Variants in SPAG16 observed in about 807,000 individuals in gnomAD.
SPAG16 encodes the protein sperm-associated antigen 16 protein.
Under a neutral mutation model 80.4 loss-of-function variants are expected in SPAG16, and 86 were observed. That is an observed-to-expected ratio of 1.07 (90% confidence interval 0.90 to 1.28). SPAG16 has a LOEUF of 1.28. Among genes scored for constraint, SPAG16 ranks in the 50% most tolerant of loss-of-function variants. SPAG16 has a pLI of 0.00. For synonymous variants in SPAG16, 294 were observed against 265.9 expected (o/e 1.11, Z -1.03); for missense variants, 870 against 765.3 (o/e 1.14, Z -1.61).
intron 15 of SPAG16, among the ~76,000 whole-genome samples, chr2:214,242,994 T>C (rs889117289): frequency 4.6e-5 from 7 of 152,072 alleles, no homozygotes; most frequent in Non-Finnish European, 1.0e-4. Flanking sequence ...AATCAATAAT[T>C]GGAAAGATAA....
Position 214,222,859 on chromosome 2 carries a change from G to A in SPAG16, c.1720+73593G>A, listed in dbSNP as rs76628489. Among the ~76,000 whole-genome samples the A allele has an allele frequency of 5.0e-3, 757 of 152,216 alleles. 8 individuals are homozygous for A. Among genetic ancestry groups the A allele is most frequent in the African/African-American group, 0.017 (701 of 41,552 alleles). On this transcript the variant is annotated intron_variant, in intron 15 of 15. Coordinates refer to ENST00000331683, the MANE Select transcript of SPAG16 (RefSeq NM_024532.5). ...ACCAAATAAATAGTAATCTTTGAAGGTGTGGCCTTGGGTTATATTTTTTAA... is the reference window on the plus strand; with the variant it reads ...ACCAAATAAATAGTAATCTTTGAAGATGTGGCCTTGGGTTATATTTTTTAA...
intron 13 of SPAG16, among the ~76,000 whole-genome samples, chr2:214,044,224 G>T (rs2049187417): frequency 6.6e-6 from 1 of 151,964 alleles, no homozygotes; most frequent in African/African-American, 2.4e-5. Context: ...ATTTATAAAG[G>T]ACTAAGAACT....
intron 9 of SPAG16, among the ~76,000 whole-genome samples, chr2:213,375,664 G>A (rs2066850575): frequency 6.6e-6 from 1 of 152,008 alleles, no homozygotes; most frequent in African/African-American, 2.4e-5. Flanking sequence ...CATAAAACCT[G>A]TGAAGAGTTT....
chr2:213,546,524 C>A (rs998590950), intron 10 of SPAG16, among the ~76,000 whole-genome samples: 1 of 152,048 alleles, frequency 6.6e-6, no homozygotes, highest in South Asian at 2.1e-4. Flanking sequence ...TTTAACTCAA[C>A]AAATATTTTA....
At chr2:213,739,991 T>A (rs2067472215) in intron 10 of SPAG16, among the ~76,000 whole-genome samples, 1 of 152,200 alleles carries the variant, frequency 6.6e-6, no homozygotes, top group Non-Finnish European at 1.5e-5. Context: ...AGCACTTAGT[T>A]TTTAGGGCAA....
chr2:213,617,469 C>T (rs561031257), intron 10 of SPAG16, among the ~76,000 whole-genome samples: 94 of 152,184 alleles, frequency 6.2e-4, no homozygotes, highest in African/African-American at 2.3e-3. Flanking sequence ...AGCCTCCCGA[C>T]TGGCTGGGAT....
chr2:213,639,876 A>T (rs1046816002), intron 10 of SPAG16, among the ~76,000 whole-genome samples: 1 of 152,194 alleles, frequency 6.6e-6, no homozygotes, highest in Non-Finnish European at 1.5e-5. Context: ...AGGAACATCA[A>T]TTATTCTTAA....
At chr2:214,032,677 G>GTAAA (rs2048474797) in intron 13 of SPAG16, among the ~76,000 whole-genome samples, 1 of 152,116 alleles carries the variant, frequency 6.6e-6, no homozygotes, top group Non-Finnish European at 1.5e-5. Flanking sequence ...TAAGGCCTTG[G>GTAAA]TAAAGATCAG....
chr2:213,429,908 T>C (rs922787763), intron 9 of SPAG16, among the ~76,000 whole-genome samples: 9 of 152,056 alleles, frequency 5.9e-5, no homozygotes, highest in Non-Finnish European at 1.2e-4. Context: ...TAAATTAGTG[T>C]AATAACATAG....
At chr2:213,990,090 G>C (rs1408135582) in intron 12 of SPAG16, among the ~76,000 whole-genome samples, 2 of 152,012 alleles carry the variant, frequency 1.3e-5, no homozygotes, top group East Asian at 3.9e-4. Flanking sequence ...AATCTAAACT[G>C]AGTACCTTCC....
At chr2:214,347,825 T>G (rs1576842782) in intron 15 of SPAG16, among the ~76,000 whole-genome samples, 1 of 152,264 alleles carries the variant, frequency 6.6e-6, no homozygotes, top group Admixed American at 6.5e-5. Flanking sequence ...AACTCTGAAC[T>G]TTTATGTACA....
chr2:213,349,005 A>G (rs1190121517), intron 6 of SPAG16, among the ~76,000 whole-genome samples: 1 of 152,242 alleles, frequency 6.6e-6, no homozygotes, highest in Non-Finnish European at 1.5e-5. Flanking sequence ...GATGGATGTC[A>G]TACATAGAAT....
At chr2:213,795,020 A>G (rs2070936655) in intron 10 of SPAG16, among the ~76,000 whole-genome samples, 1 of 152,178 alleles carries the variant, frequency 6.6e-6, no homozygotes, top group African/African-American at 2.4e-5. Flanking sequence ...GCAAATGATG[A>G]TGAAAGACTC....
intron 13 of SPAG16, among the ~76,000 whole-genome samples, chr2:214,015,230 G>T (rs2047525525): frequency 6.6e-6 from 1 of 152,162 alleles, no homozygotes; most frequent in South Asian, 2.1e-4. Context: ...TTCATGGTCA[G>T]TGGTCTCTTA....
chr2:213,574,650 C>CATATATATGATATATG (rs1161311848), intron 10 of SPAG16, among the ~76,000 whole-genome samples: 1 of 143,482 alleles, frequency 7.0e-6, no homozygotes, highest in Non-Finnish European at 1.5e-5. Flanking sequence ...AGATATATAT[C>CATATATATGATATATG]ATATATATGA....
intron 15 of SPAG16, among the ~76,000 whole-genome samples, chr2:214,167,376 AT>A (rs2056697599): frequency 6.6e-6 from 1 of 152,008 alleles, no homozygotes; most frequent in Non-Finnish European, 1.5e-5. Flanking sequence ...GCTGCCAATA[AT>A]TAGGTGGGCA....
intron 15 of SPAG16, among the ~76,000 whole-genome samples, chr2:214,403,213 G>A (rs1173604953): frequency 6.6e-6 from 1 of 151,436 alleles, no homozygotes; most frequent in Non-Finnish European, 1.5e-5. Context: ...CAGAGTATAT[G>A]CTAGTATTTT....
chr2:213,594,500 G>T lies in SPAG16; in HGVS notation c.1070+104410G>T, dbSNP rs563338483. 2.6e-5 allele frequency among the ~76,000 whole-genome samples: 4 copies of T among 152,172 alleles called. No homozygotes were observed. The East Asian group carries it at 7.7e-4, about 29-fold the overall frequency. On this transcript the variant is annotated intron_variant, in intron 10 of 15. Coordinates refer to ENST00000331683, the MANE Select transcript of SPAG16 (RefSeq NM_024532.5). The stretch of plus-strand genomic sequence containing the variant: ...GTTGTTTCATGCATTTGTGATTTTT[G>T]CGGGGAGAATGGGGGTGTGCTCACT...
At chr2:214,094,760 G>C (rs540953784) in intron 13 of SPAG16, among the ~76,000 whole-genome samples, 46 of 152,062 alleles carry the variant, frequency 3.0e-4, no homozygotes, top group African/African-American at 8.9e-4. Context: ...TTGTTATTCT[G>C]TGCCTGCCCA....
Sources: allele counts gnomAD v4.1 joint callset (sites outside exome capture counted in the v4.1 genomes callset), GRCh38; gene constraint gnomAD v4.1.1; transcripts MANE v1.5; gene names NCBI Gene and HGNC (gene_info 2026-07-23, HGNC 2026-07-21).